Variants in PDE10A observed in about 807,000 individuals in gnomAD.
The protein encoded by PDE10A is cAMP and cAMP-inhibited cGMP 3',5'-cyclic phosphodiesterase 10A.
A neutral mutation model predicts 97.7 loss-of-function variants in PDE10A; 39 were observed. That is an observed-to-expected ratio of 0.40 (90% confidence interval 0.31 to 0.52). PDE10A has a LOEUF of 0.52. PDE10A is among the 20% of genes least tolerant of loss of function. PDE10A has a pLI of 0.56. For missense variants in PDE10A, 731 were observed against 1,047.8 expected, an observed-to-expected ratio of 0.70 and a Z score of 4.17; for synonymous variants, 371 against 376.8, an observed-to-expected ratio of 0.98 and a Z score of 0.18.
intron 18 of PDE10A, 97 bp from the exon 19 acceptor site, chr6:165,343,599 T>C (rs191256521): frequency 2.2e-5 from 18 of 833,160 alleles, no homozygotes; most frequent in African/African-American, 1.5e-4. Context: ...AGTTTAAGTA[T>C]GTATTACTTC....
intron 1 of PDE10A, among the ~76,000 whole-genome samples, chr6:165,614,517 G>A (rs776537402): frequency 3.3e-5 from 5 of 152,136 alleles, no homozygotes; most frequent in Non-Finnish European, 7.4e-5. Context: ...CTCCTGCAAT[G>A]CTATCTCCAT....
intron 1 of PDE10A, among the ~76,000 whole-genome samples, chr6:165,741,014 T>C (rs1481693034): frequency 6.6e-6 from 1 of 152,146 alleles, no homozygotes; most frequent in Non-Finnish European, 1.5e-5. Context: ...TTGGTATTAC[T>C]ATTAATGGAA....
intron 1 of PDE10A, among the ~76,000 whole-genome samples, chr6:165,750,121 T>C (rs535718697): frequency 6.6e-6 from 1 of 152,162 alleles, no homozygotes; most frequent in South Asian, 2.1e-4. Context: ...GGTGAGGAGA[T>C]GGGCACAGGG....
At chr6:165,393,096 A>G in intron 15 of PDE10A, among the ~76,000 whole-genome samples, 1 of 152,134 alleles carries the variant, frequency 6.6e-6, no homozygotes. Flanking sequence ...AGCCCTCATG[A>G]TCTTCTTTAG....
At chr6:165,973,982 T>C (rs1784775509) in intron 1 of PDE10A, among the ~76,000 whole-genome samples, 1 of 152,220 alleles carries the variant, frequency 6.6e-6, no homozygotes, top group African/African-American at 2.4e-5. Context: ...TTATATTTTC[T>C]ATCATCTACA....
rs556583538 is a variant in PDE10A at position 165,443,294 on chromosome 6, C to T, written c.1194+5634G>A. ...GGCCCAAACAAATGGGGTACAGGCCCTGTACAAGTCCAGAACCCAGTAGGA... is the reference window on the plus strand; with the variant it reads ...GGCCCAAACAAATGGGGTACAGGCCTTGTACAAGTCCAGAACCCAGTAGGA... On this transcript the variant is annotated intron_variant, in intron 5 of 21. Transcript: ENST00000539869. 2.0e-3 allele frequency among the ~76,000 whole-genome samples: 311 copies of T among 152,170 alleles called. 1 individual carries two copies. Among genetic ancestry groups the T allele is most frequent in the Middle Eastern group, 0.017 (5 of 294 alleles).
intron 1 of PDE10A, among the ~76,000 whole-genome samples, chr6:165,589,346 T>C (rs1786109584): frequency 6.6e-6 from 1 of 152,242 alleles, no homozygotes; most frequent in African/African-American, 2.4e-5. Context: ...GAATACAGAA[T>C]ATGAAATTTC....
intron 1 of PDE10A, among the ~76,000 whole-genome samples, chr6:165,626,238 A>C (rs1046517121): frequency 6.6e-6 from 1 of 152,234 alleles, no homozygotes; most frequent in Non-Finnish European, 1.5e-5. Context: ...GAAACCACAC[A>C]AAAGTCGAAA....
intron 2 of PDE10A, among the ~76,000 whole-genome samples, chr6:165,531,284 C>T (rs1200651200): frequency 1.3e-5 from 2 of 151,406 alleles, no homozygotes; most frequent in African/African-American, 4.9e-5. Context: ...TCCATTATAG[C>T]TGAATCTGTG....
At chr6:165,643,659 G>A (rs910314878) in intron 1 of PDE10A, among the ~76,000 whole-genome samples, 2 of 152,192 alleles carry the variant, frequency 1.3e-5, no homozygotes, top group Non-Finnish European at 2.9e-5. Flanking sequence ...CATTGAAGTA[G>A]AGAACAGAAC....
intron 18 of PDE10A, among the ~76,000 whole-genome samples, chr6:165,370,008 A>T (rs1195795396): frequency 2.2e-5 from 1 of 44,972 alleles, no homozygotes; most frequent in Non-Finnish European, 3.9e-5. Context: ...GAAATAAAAT[A>T]CTTTACAGAC....
chr6:165,685,573 C>A (rs147778692), intron 1 of PDE10A, among the ~76,000 whole-genome samples: 1 of 152,244 alleles, frequency 6.6e-6, no homozygotes, highest in African/African-American at 2.4e-5. Context: ...CCTGCCTTTT[C>A]TTTGGAGGAA....
At chr6:165,980,559 A>C (rs889291903) in intron 1 of PDE10A, among the ~76,000 whole-genome samples, 18 of 152,230 alleles carry the variant, frequency 1.2e-4, no homozygotes, top group Admixed American at 9.2e-4. Context: ...GGATAAAGCA[A>C]AGTATAAGGG....
intron 3 of PDE10A, among the ~76,000 whole-genome samples, chr6:165,455,644 G>C (rs576922239): frequency 3.3e-5 from 5 of 152,266 alleles, no homozygotes; most frequent in African/African-American, 9.6e-5. Context: ...TGAGAGCCTC[G>C]GCTGTAGAAG....
intron 18 of PDE10A, 54 bp from the exon 19 acceptor site, chr6:165,343,556 A>C: frequency 8.3e-7 from 1 of 1,210,040 alleles, no homozygotes. Context: ...ATTTATAGTA[A>C]GGACTAGAAA....
chr6:165,337,325 G>T (rs1205437902), intron 20 of PDE10A, among the ~76,000 whole-genome samples: 2 of 152,156 alleles, frequency 1.3e-5, no homozygotes, highest in Non-Finnish European at 2.9e-5. Context: ...TCTAGAAGAG[G>T]TGACCCCAAA....
At chr6:165,931,005 C>T (rs892545587) in intron 1 of PDE10A, among the ~76,000 whole-genome samples, 17 of 152,216 alleles carry the variant, frequency 1.1e-4, no homozygotes, top group Admixed American at 5.2e-4. Context: ...ATTGACGATG[C>T]CTGTTAGGAA....
chr6:165,394,518 CAA>C (rs933786823), intron 15 of PDE10A, among the ~76,000 whole-genome samples: 4 of 152,108 alleles, frequency 2.6e-5, no homozygotes, highest in Non-Finnish European at 4.4e-5. Context: ...AACAGTGCCA[CAA>C]TAAACATATG....
chr6:165,465,795 G>T (rs78729979), intron 3 of PDE10A, among the ~76,000 whole-genome samples: 5,163 of 152,290 alleles, frequency 0.034, 291 homozygotes, highest in African/African-American at 0.12. Context: ...CTGGTCAAGT[G>T]CTTGACACAT....
Sources: gnomAD v4.1 joint callset for allele counts (sites outside exome capture counted in the v4.1 genomes callset) on GRCh38, gnomAD v4.1.1 for gene constraint, MANE v1.5 for transcripts, NCBI Gene and HGNC (gene_info 2026-07-23, HGNC 2026-07-21) for gene names.